Variants in GPR89B observed in about 807,000 individuals in gnomAD.
The protein encoded by GPR89B is golgi pH regulator B, also known as G protein-coupled receptor 89B.
A neutral mutation model predicts 52.4 loss-of-function variants in GPR89B; 25 were observed. That is an observed-to-expected ratio of 0.48 (90% CI 0.35 to 0.67). GPR89B has a LOEUF of 0.67. GPR89B is among the 30% of genes least tolerant of loss of function. The pLI is 0.01. For missense variants in GPR89B, 146 were observed against 450.2 expected (o/e 0.32, Z 6.11); for synonymous variants, 52 against 151.2 (o/e 0.34, Z 4.81).
intron 5 of GPR89B, among the ~76,000 whole-genome samples, chr1:147,950,145 CT>C (rs1553250741): frequency 4.6e-5 from 7 of 150,680 alleles, no homozygotes; most frequent in South Asian, 2.1e-4. Flanking sequence ...GACGGGGTGG[CT>C]GCCGGGCGGA....
chr1:147,970,533 C>CTA (rs1164016931), intron 10 of GPR89B, among the ~76,000 whole-genome samples: 21 of 127,726 alleles, frequency 1.6e-4, no homozygotes, highest in Non-Finnish European at 3.4e-4. Flanking sequence ...CTCTCTCTCT[C>CTA]TATCTCTATC....
At chr1:147,941,244 G>A (rs1482503276) in intron 3 of GPR89B, among the ~76,000 whole-genome samples, 1 of 152,302 alleles carries the variant, frequency 6.6e-6, no homozygotes, top group African/African-American at 2.4e-5. Context: ...CAAAAGACTA[G>A]TTAAAACATG....
chr1:147,968,557 A>G (rs1373854279), intron 8 of GPR89B: 56 of 443,066 alleles, frequency 1.3e-4, no homozygotes, highest in Middle Eastern at 1.3e-3. Flanking sequence ...ACTATTTACA[A>G]TCTTGAACAT....
At chr1:147,999,041 G>C in the GPR89B span, among the ~76,000 whole-genome samples, 1 of 151,866 alleles carries the variant, frequency 6.6e-6, no homozygotes, top group South Asian at 2.1e-4. Flanking sequence ...TTGGAGAGCG[G>C]GGAAGGAGGT....
chr1:147,981,465 C>T (rs1658247249), intron 10 of GPR89B, among the ~76,000 whole-genome samples: 1 of 144,244 alleles, frequency 6.9e-6, no homozygotes, highest in African/African-American at 2.6e-5. Flanking sequence ...GATTGTGCCA[C>T]CACACTCCAG....
chr1:147,948,295 G>T (rs1553250127), intron 5 of GPR89B, among the ~76,000 whole-genome samples: 1 of 151,982 alleles, frequency 6.6e-6, no homozygotes. Flanking sequence ...GTGTATTCAA[G>T]GAAAGGCAAG....
In GPR89B at chr1:147,928,437, A is replaced by C. The variant is rs1180209988; in HGVS notation, c.-100A>C. The C allele has an allele frequency of 1.9e-5, 28 of 1,436,746 alleles. No homozygotes were observed. The highest frequency in any genetic ancestry group is 2.6e-5 in the Non-Finnish European group (27 of 1,031,006). 89.0% of individuals were successfully genotyped at this position (1,436,746 alleles called of 1,614,324 possible). ...GGAGAGCCGCAGTCCCGGCTGCAGC[A>C]CCTGGGAGAAGGCAGACCGTGTGAG... On this transcript the variant is annotated 5_prime_UTR_variant, in exon 1 of 14. Coordinates refer to ENST00000314163, the MANE Select transcript of GPR89B (RefSeq NM_016334.5).
At chr1:147,932,105 C>G (rs1225148134) in intron 1 of GPR89B, among the ~76,000 whole-genome samples, 8 of 151,940 alleles carry the variant, frequency 5.3e-5, no homozygotes, top group African/African-American at 1.9e-4. Context: ...TCCATTTCCA[C>G]TATACATACC....
rs4950353 is a variant in GPR89B, at chr1:147,940,264, A to G, written c.206+1447A>G. Among the ~76,000 whole-genome samples, 1,427 of 148,644 alleles carry G rather than the reference A, an allele frequency of 9.6e-3. 15 individuals are homozygous for G. Among genetic ancestry groups the G allele is most frequent in the African/African-American group, 0.025 (1,011 of 40,692 alleles). ...TAAAAATACAAAAAATTAGCTGGGC[A>G]TGGTGGTGGGCGCCTGTAGTCCCAG... On this transcript the variant is annotated intron_variant, in intron 3 of 13. Coordinates refer to ENST00000314163, the MANE Select transcript of GPR89B (RefSeq NM_016334.5).
At chr1:148,003,621 G>T in the GPR89B span, among the ~76,000 whole-genome samples, 1 of 151,970 alleles carries the variant, frequency 6.6e-6, no homozygotes, top group Non-Finnish European at 1.5e-5. Context: ...AACTTTTGAT[G>T]CCCAACATCA....
chr1:147,931,570 G>A (rs1438644281), intron 1 of GPR89B, among the ~76,000 whole-genome samples: 4 of 150,262 alleles, frequency 2.7e-5, no homozygotes, highest in African/African-American at 9.8e-5. Flanking sequence ...TTGTGTGTGT[G>A]TGTGTAGTTT....
intron 5 of GPR89B, among the ~76,000 whole-genome samples, chr1:147,952,417 G>A (rs1655789651): frequency 1.3e-5 from 2 of 151,602 alleles, no homozygotes. Context: ...TGGAGAAGCA[G>A]AAGACCAGAG....
At chr1:147,994,352 G>A (rs1361564361), downstream of GPR89B, 237 of 1,507,326 alleles carry the variant, frequency 1.6e-4, 1 homozygote, top group African/African-American at 3.0e-3. Flanking sequence ...CTGTACTGTG[G>A]GCCTGTGTAT....
At chr1:147,977,164 G>A (rs1421729173) in intron 10 of GPR89B, among the ~76,000 whole-genome samples, 5 of 148,190 alleles carry the variant, frequency 3.4e-5, no homozygotes, top group African/African-American at 5.1e-5. Context: ...AACCCAGGAG[G>A]CGGAGGTTGC....
rs1181765872 is a variant in GPR89B at position 147,939,871 on chromosome 1, A to C, written c.206+1054A>C. On this transcript the variant is annotated intron_variant, in intron 3 of 13. Coordinates refer to ENST00000314163, the MANE Select transcript of GPR89B (RefSeq NM_016334.5). Reference sequence around the variant, plus strand: ...AAAAATCAGCAGAGTGTGGTAGTACACGTCTGTAGTGCCAGCTACCCTGGA... The same window carrying C: ...AAAAATCAGCAGAGTGTGGTAGTACCCGTCTGTAGTGCCAGCTACCCTGGA... Among the ~76,000 whole-genome samples the C allele has an allele frequency of 2.3e-3, 341 of 151,128 alleles. 2 individuals are homozygous for C. Among genetic ancestry groups the C allele is most frequent in the African/African-American group, 7.8e-3 (319 of 40,766 alleles).
chr1:147,936,512 A>G lies in GPR89B; in HGVS notation c.43-115A>G, dbSNP rs144080266. 7.7e-4 allele frequency: 551 copies of G among 712,362 alleles called. No homozygotes were observed. In the African/African-American group the frequency reaches 8.3e-3, roughly 11 times the overall value. The allele number at this position is 712,362 out of a possible 1,614,324, so 44.1% of individuals were successfully genotyped here. ...TCTTATAAGAGTGGATCTTATCTTTAATCCCTGAAATAAGTTAACCGTCTA... is the reference window on the plus strand; with the variant it reads ...TCTTATAAGAGTGGATCTTATCTTTGATCCCTGAAATAAGTTAACCGTCTA... On this transcript the variant is annotated intron_variant, in intron 1 of 13. Transcript: ENST00000314163.
intron 3 of GPR89B, 96 bp downstream of exon 3, chr1:147,938,913 A>C (rs1453083975): frequency 1.0e-4 from 158 of 1,545,612 alleles, no homozygotes; most frequent in Non-Finnish European, 1.2e-4. Context: ...AAAAAAAAAA[A>C]CACTGTGTTA....
the GPR89B span, chr1:148,014,414 A>T: frequency 6.6e-6 from 1 of 151,434 alleles, no homozygotes; most frequent in Admixed American, 6.5e-5. Context: ...AAGGCATGTC[A>T]GGAGAGTGAG....
chr1:148,003,661 G>C, the GPR89B span: 1 of 583,440 alleles, frequency 1.7e-6, no homozygotes, highest in Non-Finnish European at 3.1e-6. Context: ...CGCTGACCCA[G>C]CTGTGCCTTC....
Sources: gnomAD v4.1 joint callset for allele counts (sites outside exome capture counted in the v4.1 genomes callset) on GRCh38, gnomAD v4.1.1 for gene constraint, MANE v1.5 for transcripts, NCBI Gene and HGNC (gene_info 2026-07-23, HGNC 2026-07-21) for gene names.